The following MECOM variants were observed in gnomAD, a reference collection of about 807,000 sequenced individuals.
MECOM encodes the protein histone-lysine N-methyltransferase MECOM.
Under a neutral mutation model 116.3 loss-of-function variants are expected in MECOM, and 13 were observed. The observed-to-expected ratio is 0.11, with a 90% CI of 0.07 to 0.18. The LOEUF (loss-of-function observed/expected upper bound fraction) is 0.18. Ranked by LOEUF, MECOM falls within the 10% of genes least tolerant of loss-of-function variation. MECOM has a pLI of 1.00. For synonymous variants in MECOM, 528 were observed against 535.2 expected, an observed-to-expected ratio of 0.99 and a Z score of 0.19; for missense variants, 1,299 against 1,509.0, an observed-to-expected ratio of 0.86 and a Z score of 2.31.
chr3:169,144,435 T>C (rs1376315825), intron 2 of MECOM, among the ~76,000 whole-genome samples: 1 of 152,196 alleles, frequency 6.6e-6, no homozygotes, highest in Non-Finnish European at 1.5e-5. Context: ...CAGGTTTTAG[T>C]TAACACATGT....
rs905032182 is a variant in MECOM, at chr3:169,102,229, G to A, written c.2605-3C>T. ...GCCATGTTTTCAATAGCTGACATCT[G>A]AAAGGTAAAAGCACAAGACCATGAA... On this transcript the variant is annotated splice_polypyrimidine_tract_variant and splice_region_variant and intron_variant, in intron 10 of 16. Transcript: ENST00000651503. 3 of 1,611,668 alleles carry A rather than the reference G, an allele frequency of 1.9e-6. No individual in the cohort carries two copies. The highest frequency in any genetic ancestry group is 1.7e-4 in the Middle Eastern group (1 of 6,044).
At chr3:169,419,098 A>G (rs1040496716) in intron 1 of MECOM, among the ~76,000 whole-genome samples, 1 of 152,216 alleles carries the variant, frequency 6.6e-6, no homozygotes, top group African/African-American at 2.4e-5. Context: ...CTATACACCA[A>G]TAATAGACAA....
At chr3:169,085,659 A>G (rs1228584882) in intron 16 of MECOM, among the ~76,000 whole-genome samples, 3 of 152,150 alleles carry the variant, frequency 2.0e-5, no homozygotes, top group Non-Finnish European at 4.4e-5. Context: ...GTTGAGGTGG[A>G]TCAAATCAGC....
At chr3:169,218,053 C>T (rs1474587521) in intron 2 of MECOM, among the ~76,000 whole-genome samples, 1 of 151,702 alleles carries the variant, frequency 6.6e-6, no homozygotes, top group Non-Finnish European at 1.5e-5. Flanking sequence ...CATTTGACTA[C>T]TATAAATCAT....
intron 2 of MECOM, among the ~76,000 whole-genome samples, chr3:169,335,200 C>T (rs1723398539): frequency 6.6e-6 from 1 of 152,102 alleles, no homozygotes; most frequent in African/African-American, 2.4e-5. Context: ...AAACTACTCA[C>T]ACACATCAGA....
intron 1 of MECOM, among the ~76,000 whole-genome samples, chr3:169,479,110 T>G (rs954481174): frequency 6.6e-6 from 1 of 152,112 alleles, no homozygotes; most frequent in East Asian, 1.9e-4. Flanking sequence ...TTAGCCAACA[T>G]CTACCAAGAT....
At chr3:169,318,891 G>T (rs1462715628) in intron 2 of MECOM, among the ~76,000 whole-genome samples, 1 of 152,086 alleles carries the variant, frequency 6.6e-6, no homozygotes, top group Non-Finnish European at 1.5e-5. Context: ...CTGAGGTCAG[G>T]AGTTCGAGAC....
At chr3:169,107,504 T>G (rs569281157) in intron 10 of MECOM, among the ~76,000 whole-genome samples, 1 of 152,090 alleles carries the variant, frequency 6.6e-6, no homozygotes, top group South Asian at 2.1e-4. Context: ...AATTCCCATG[T>G]CAGCCTGTAT....
chr3:169,475,836 G>A (rs1750287575), intron 1 of MECOM, among the ~76,000 whole-genome samples: 1 of 152,154 alleles, frequency 6.6e-6, no homozygotes, highest in Non-Finnish European at 1.5e-5. Context: ...GTTGCTGCTA[G>A]TTAGGAGCTA....
chr3:169,553,227 C>T (rs753045540), intron 1 of MECOM, among the ~76,000 whole-genome samples: 23 of 151,904 alleles, frequency 1.5e-4, no homozygotes, highest in Non-Finnish European at 2.8e-4. Flanking sequence ...ATTTTTGAGG[C>T]ATTAAGAATA....
At position 169,632,327 on chromosome 3, in the gene MECOM, C is replaced by A. The variant is rs139618585; in HGVS notation, c.37+31009G>T. The stretch of plus-strand genomic sequence containing the variant: ...TGCTAAAAATTCCAATGACACTTTC[C>A]TTCATGCAAAATATTCCATTCCCTC... On this transcript the variant is annotated intron_variant, in intron 1 of 16. Transcript: ENST00000651503. 8.1e-3 allele frequency among the ~76,000 whole-genome samples: 1,225 copies of A among 152,122 alleles called. 15 individuals carry two copies. The highest frequency in any genetic ancestry group is 0.028 in the African/African-American group (1,171 of 41,486).
intron 2 of MECOM, among the ~76,000 whole-genome samples, chr3:169,334,418 G>A (rs1439433625): frequency 6.6e-6 from 1 of 152,124 alleles, no homozygotes; most frequent in Non-Finnish European, 1.5e-5. Flanking sequence ...GAATCACCAG[G>A]AAAGCTTTAT....
At chr3:169,633,604 T>C (rs1273051603) in intron 1 of MECOM, among the ~76,000 whole-genome samples, 1 of 152,054 alleles carries the variant, frequency 6.6e-6, no homozygotes, top group Non-Finnish European at 1.5e-5. Flanking sequence ...CAGCACAGAA[T>C]AATTCACCCA....
At chr3:169,441,187 T>A (rs1396064746) in intron 1 of MECOM, among the ~76,000 whole-genome samples, 1 of 152,146 alleles carries the variant, frequency 6.6e-6, no homozygotes, top group African/African-American at 2.4e-5. Context: ...ACAGAGTCCA[T>A]GGCCCTCCAG....
chr3:169,639,651 T>A (rs1454139258), intron 1 of MECOM, among the ~76,000 whole-genome samples: 1 of 152,234 alleles, frequency 6.6e-6, no homozygotes, highest in Non-Finnish European at 1.5e-5. Flanking sequence ...AAGTATATAC[T>A]TCATTATACA....
intron 1 of MECOM, among the ~76,000 whole-genome samples, chr3:169,598,026 C>T (rs569174737): frequency 1.1e-4 from 16 of 152,230 alleles, no homozygotes; most frequent in Non-Finnish European, 2.1e-4. Flanking sequence ...GCTTTTGCCC[C>T]TACAGGAAAC....
chr3:169,199,048 T>C (rs1202037152), intron 2 of MECOM, among the ~76,000 whole-genome samples: 1 of 152,100 alleles, frequency 6.6e-6, no homozygotes, highest in Non-Finnish European at 1.5e-5. Flanking sequence ...GCCACTCATG[T>C]GTCCCCAATG....
At chr3:169,311,717 C>T (rs1421822214) in intron 2 of MECOM, among the ~76,000 whole-genome samples, 1 of 151,742 alleles carries the variant, frequency 6.6e-6, no homozygotes, top group Non-Finnish European at 1.5e-5. Context: ...TCAAAAATTA[C>T]CTTTCTCTAA....
chr3:169,287,288 T>A (rs975700714), intron 2 of MECOM, among the ~76,000 whole-genome samples: 15 of 152,182 alleles, frequency 9.9e-5, no homozygotes, highest in African/African-American at 3.6e-4. Flanking sequence ...ATCTCACCAT[T>A]GCTTACCACA....
Sources: allele counts gnomAD v4.1 joint callset (sites outside exome capture counted in the v4.1 genomes callset), GRCh38; gene constraint gnomAD v4.1.1; transcripts MANE v1.5; gene names NCBI Gene and HGNC (gene_info 2026-07-23, HGNC 2026-07-21).